PPP1R42: variants seen among roughly 807,000 people sequenced by gnomAD.
PPP1R42 encodes protein phosphatase 1 regulatory subunit 42, also known as leucine rich repeat containing 67.
Under a neutral mutation model 31.0 loss-of-function variants are expected in PPP1R42, and 34 were observed. The observed-to-expected ratio is 1.10, with a 90% CI of 0.83 to 1.46. The LOEUF is 1.46. PPP1R42 is among the 40% of genes most tolerant of loss of function. The probability of loss-of-function intolerance (pLI) is 0.00; values close to 1 mark genes in which losing one functional copy is unlikely to be tolerated. For synonymous variants in PPP1R42, 103 were observed against 109.8 expected (o/e 0.94, Z 0.39); for missense variants, 268 against 303.0 (o/e 0.88, Z 0.86).
At chr8:66,983,997 G>C (rs1393302919) in intron 6 of PPP1R42, 1 of 855,368 alleles carries the variant, frequency 1.2e-6, no homozygotes, top group Non-Finnish European at 1.9e-6. Context: ...AAGGGAGCAA[G>C]ATATTCTCCC....
chr8:66,996,405 T>G (rs548271113), intron 5 of PPP1R42, among the ~76,000 whole-genome samples: 67 of 152,356 alleles, frequency 4.4e-4, no homozygotes, highest in Middle Eastern at 6.8e-3. Context: ...ACAGCTAAAC[T>G]ACATAGTACA....
intron 6 of PPP1R42, among the ~76,000 whole-genome samples, chr8:66,987,488 CA>C (rs1815059082): frequency 6.6e-6 from 1 of 151,968 alleles, no homozygotes; most frequent in African/African-American, 2.4e-5. Flanking sequence ...GATGGGGTTT[CA>C]CCGTGTTGCC....
chr8:67,022,765 C>G (rs1290393272), intron 1 of PPP1R42, among the ~76,000 whole-genome samples: 1 of 151,996 alleles, frequency 6.6e-6, no homozygotes, highest in Non-Finnish European at 1.5e-5. Flanking sequence ...GGTGTTTTCT[C>G]TTCTATGGTT....
chr8:67,009,946 T>C (rs1341330927), intron 5 of PPP1R42, among the ~76,000 whole-genome samples: 1 of 152,206 alleles, frequency 6.6e-6, no homozygotes, highest in Non-Finnish European at 1.5e-5. Flanking sequence ...GGTTCGTATG[T>C]CAAGAAATTA....
At chr8:66,987,986 G>A (rs540218721) in intron 6 of PPP1R42, 1 of 233,810 alleles carries the variant, frequency 4.3e-6, no homozygotes, top group South Asian at 1.5e-4. Context: ...ATTCCTGTAT[G>A]TTCTTAGGGT....
At chr8:67,012,055 G>A (rs961729214) in intron 4 of PPP1R42, among the ~76,000 whole-genome samples, 2 of 152,000 alleles carry the variant, frequency 1.3e-5, no homozygotes, top group African/African-American at 2.4e-5. Context: ...GGCCAACATG[G>A]TGAAACCCCA....
chr8:66,993,342 CCTGGCTTAAACACCTCCA>C (rs377393110), intron 5 of PPP1R42, among the ~76,000 whole-genome samples: 1 of 152,314 alleles, frequency 6.6e-6, no homozygotes, highest in Non-Finnish European at 1.5e-5. Flanking sequence ...TTACTTCACT[CCTGGCTTAAACACCTCCA>C]CTGGCTCCTC....
chr8:67,017,607 C>A lies in PPP1R42; in HGVS notation c.129+12G>T. 1 of 1,363,324 alleles carries A rather than the reference C, an allele frequency of 7.3e-7. No individual in the cohort carries two copies. The highest frequency in any genetic ancestry group is 9.8e-7 in the Non-Finnish European group (1 of 1,022,012). 84.5% of individuals were successfully genotyped at this position (1,363,324 alleles called of 1,614,324 possible). On this transcript the variant is annotated intron_variant, in intron 2 of 7. Coordinates refer to ENST00000685739, the MANE Select transcript of PPP1R42 (RefSeq NM_001364910.1). ...AATTATATAAAATAGGAAATAATTT[C>A]AAAGTTCTTACAATTGCATCTATAT... is the stretch of plus-strand genomic sequence containing the variant.
intron 5 of PPP1R42, among the ~76,000 whole-genome samples, chr8:66,999,687 G>C (rs774174929): frequency 3.9e-5 from 6 of 152,092 alleles, no homozygotes; most frequent in Non-Finnish European, 8.8e-5. Flanking sequence ...GTGTAAGATT[G>C]GTATCATTTC....
chr8:67,028,047 T>C (rs1253906425), intron 1 of PPP1R42, among the ~76,000 whole-genome samples: 10 of 152,212 alleles, frequency 6.6e-5, no homozygotes, highest in Non-Finnish European at 1.5e-4. Context: ...AATGGACCCC[T>C]TGGCTTTCAT....
chr8:67,027,376 A>G (rs1816438851), intron 1 of PPP1R42, among the ~76,000 whole-genome samples: 1 of 152,242 alleles, frequency 6.6e-6, no homozygotes, highest in Non-Finnish European at 1.5e-5. Flanking sequence ...AAAAGGACAG[A>G]GGCAAACTTT....
intron 2 of PPP1R42, 90 bp downstream of exon 2, chr8:67,017,529 A>C: frequency 1.5e-6 from 1 of 667,724 alleles, no homozygotes; most frequent in Non-Finnish European, 2.2e-6. Flanking sequence ...TAATGAAAAT[A>C]TAGTTAAAAT....
At chr8:67,018,825 C>CATT (rs1554542359) in intron 1 of PPP1R42, among the ~76,000 whole-genome samples, 8 of 48,408 alleles carry the variant, frequency 1.7e-4, no homozygotes, top group African/African-American at 1.7e-4. Flanking sequence ...CCCCCCCCCC[C>CATT]TTTTTTTTTT....
At chr8:66,987,582 G>A (rs377415514) in intron 6 of PPP1R42, among the ~76,000 whole-genome samples, 3 of 152,218 alleles carry the variant, frequency 2.0e-5, no homozygotes, top group South Asian at 2.1e-4. Flanking sequence ...GTGAGCCACC[G>A]CGCCCGGCCT....
In PPP1R42 at chr8:67,017,625, A is replaced by G. The variant is rs374732209; in HGVS notation, c.123T>C (p.Asp41=). 10 of 1,479,072 alleles carry G rather than the reference A, an allele frequency of 6.8e-6. No individual in the cohort carries two copies. The highest frequency in any genetic ancestry group is 4.2e-5 in the Admixed American group (2 of 47,370). 91.6% of individuals were successfully genotyped at this position (1,479,072 alleles called of 1,614,324 possible). A position where few individuals can be genotyped will look rare whatever the true frequency, so the allele number is the denominator to read the frequency against. The change falls in exon 2 of 8, where the codon GAT becomes GAC. Residue 41 remains aspartate (D), a synonymous_variant. Transcript: ENST00000685739. Reference sequence around the variant, plus strand: ...ATAATTTCAAAGTTCTTACAATTGCATCTATATTTTTGTCTGAAAAATTTA... The same window carrying G: ...ATAATTTCAAAGTTCTTACAATTGCGTCTATATTTTTGTCTGAAAAATTTA... ...THINFSDKNI[D]AIEDLSLCKN... is the part of the protein sequence containing the mutation.
At chr8:67,015,465 A>G (rs751039446) in intron 2 of PPP1R42, among the ~76,000 whole-genome samples, 1 of 152,228 alleles carries the variant, frequency 6.6e-6, no homozygotes, top group Admixed American at 6.5e-5. Context: ...TACATTCAAT[A>G]TGACCCACTA....
chr8:66,996,792 T>C (rs957964232), intron 5 of PPP1R42, among the ~76,000 whole-genome samples: 5 of 152,230 alleles, frequency 3.3e-5, no homozygotes, highest in African/African-American at 1.2e-4. Flanking sequence ...AAGGTTCACT[T>C]TTTCTATTTG....
intron 1 of PPP1R42, among the ~76,000 whole-genome samples, chr8:67,018,517 C>T (rs1455371354): frequency 6.6e-6 from 1 of 150,866 alleles, no homozygotes; most frequent in African/African-American, 2.4e-5. Flanking sequence ...TGCACTGCAA[C>T]CTTTTTTTTT....
intron 7 of PPP1R42, chr8:66,968,428 G>A (rs769278193): frequency 7.7e-5 from 75 of 978,338 alleles, no homozygotes; most frequent in Non-Finnish European, 8.5e-5. Context: ...AAGATGCACC[G>A]TAAGCTTATT....
Sources: gnomAD v4.1 joint callset for allele counts (sites outside exome capture counted in the v4.1 genomes callset) on GRCh38, gnomAD v4.1.1 for gene constraint, MANE v1.5 for transcripts, NCBI Gene and HGNC (gene_info 2026-07-23, HGNC 2026-07-21) for gene names.